Variants in PCDH11X observed in about 807,000 individuals in gnomAD.
PCDH11X encodes the protein protocadherin 11 X-linked.
Under a neutral mutation model 53.3 loss-of-function variants are expected in PCDH11X, and 18 were observed. The observed-to-expected ratio is 0.34, with a 90% CI of 0.23 to 0.50. The LOEUF is 0.50. Ranked by LOEUF, PCDH11X falls within the 20% of genes least tolerant of loss-of-function variation. The pLI, the probability that PCDH11X is intolerant of heterozygous loss-of-function variation, is 0.98. For missense variants in PCDH11X, 570 were observed against 1,032.4 expected (o/e 0.55, Z 6.14); for synonymous variants, 279 against 393.3 (o/e 0.71, Z 3.44).
At chrX:92,007,947 G>C in intron 6 of PCDH11X, among the ~76,000 whole-genome samples, 1 of 110,767 alleles carries the variant, frequency 9.0e-6, no homozygotes, top group Non-Finnish European at 1.9e-5. Flanking sequence ...TCATCTGGAA[G>C]CTAAAGCCTG....
At chrX:91,881,292 A>C (rs1429775977) in intron 6 of PCDH11X, among the ~76,000 whole-genome samples, 3 of 111,382 alleles carry the variant, frequency 2.7e-5, no homozygotes, top group Non-Finnish European at 5.7e-5. Context: ...ATATCATATA[A>C]CTAAGAGACA....
chrX:92,266,550 C>T (rs927365070), intron 8 of PCDH11X, among the ~76,000 whole-genome samples: 1 of 111,415 alleles, frequency 9.0e-6, no homozygotes, highest in Middle Eastern at 4.2e-3. Flanking sequence ...TTTCTACCCC[C>T]TCTTAAAAAA....
At chrX:91,881,396 G>A (rs1271281120) in intron 6 of PCDH11X, among the ~76,000 whole-genome samples, 1 of 110,803 alleles carries the variant, frequency 9.0e-6, no homozygotes, top group Non-Finnish European at 1.9e-5. Context: ...TAACTGAAAG[G>A]ACTATCTTAG....
At chrX:92,082,721 C>T (rs1250119515) in intron 6 of PCDH11X, among the ~76,000 whole-genome samples, 70 of 110,875 alleles carry the variant, frequency 6.3e-4, no homozygotes, top group African/African-American at 2.2e-3. Context: ...TAGCAAATTT[C>T]GTTAAGTTTG....
intron 9 of PCDH11X, chrX:92,459,625 C>G: frequency 3.3e-6 from 2 of 601,502 alleles, no homozygotes; most frequent in South Asian, 5.2e-5. Flanking sequence ...CCATCGTCGG[C>G]AAAGCCTGAG....
chrX:91,995,241 C>CAA (rs369052107), intron 6 of PCDH11X, among the ~76,000 whole-genome samples: 2 of 95,747 alleles, frequency 2.1e-5, no homozygotes, highest in African/African-American at 7.5e-5. Context: ...AAAAAACAAA[C>CAA]AAAAAAAAAA....
At chrX:91,979,125 T>A (rs984590059) in intron 6 of PCDH11X, among the ~76,000 whole-genome samples, 11 of 110,986 alleles carry the variant, frequency 9.9e-5, no homozygotes, top group African/African-American at 3.3e-4. Flanking sequence ...AATGACATCA[T>A]GTTAATATGC....
Position 92,505,095 on chromosome X carries a change from C to T in PCDH11X, c.3367+36773C>T, listed in dbSNP as rs2074026299. ...TGTATCATTTGAATAAATTTTCTCC[C>T]ATTCTGCATGTTGTCTGTTTATTTT... On this transcript the variant is annotated intron_variant, in intron 10 of 10. Transcript: ENST00000682573. 2.8e-5 allele frequency among the ~76,000 whole-genome samples: 3 copies of T among 106,586 alleles called. No individual in the cohort carries two copies. The Admixed American group carries it at 3.0e-4, about 11-fold the overall frequency. 92.6% of individuals were successfully genotyped at this position (106,586 alleles called of 115,157 possible).
At chrX:92,055,155 TG>T (rs1270997933) in intron 6 of PCDH11X, among the ~76,000 whole-genome samples, 57 of 38,259 alleles carry the variant, frequency 1.5e-3, no homozygotes, top group Non-Finnish European at 2.2e-3. Context: ...GTAGGCATAC[TG>T]GGATATGTGG....
intron 6 of PCDH11X, among the ~76,000 whole-genome samples, chrX:92,000,036 A>G (rs1488450119): frequency 1.8e-5 from 2 of 111,868 alleles, no homozygotes; most frequent in East Asian, 5.6e-4. Context: ...GGGTGTAAAA[A>G]CATGAGTCAA....
chrX:92,002,496 A>G (rs1404172254), intron 6 of PCDH11X, among the ~76,000 whole-genome samples: 1 of 108,018 alleles, frequency 9.3e-6, no homozygotes, highest in Non-Finnish European at 1.9e-5. Context: ...GGTAGTATGG[A>G]CATTTTAACA....
chrX:92,338,717 G>T (rs35055650), intron 8 of PCDH11X, among the ~76,000 whole-genome samples: 13 of 111,573 alleles, frequency 1.2e-4, no homozygotes, highest in Non-Finnish European at 5.7e-5. Flanking sequence ...ATCAAATCAA[G>T]TTGTTCATTT....
chrX:91,907,309 T>C (rs182363897), intron 6 of PCDH11X, among the ~76,000 whole-genome samples: 179 of 97,473 alleles, frequency 1.8e-3, no homozygotes, highest in African/African-American at 6.3e-3. Context: ...TCTAAATTTC[T>C]GTTACTTCCC....
At chrX:92,500,075 A>T (rs189639986) in intron 10 of PCDH11X, among the ~76,000 whole-genome samples, 2 of 111,240 alleles carry the variant, frequency 1.8e-5, no homozygotes, top group African/African-American at 6.5e-5. Context: ...GGCTTATACA[A>T]CTTTTCTTAA....
Position 92,123,459 on chromosome X carries a change from A to G in PCDH11X, c.3034-77916A>G, listed in dbSNP as rs181036465. ...CTTTCTCTTGATGGTATCATATCCT[A>G]TGGTATTAAATACCATTTCTATGCA... On this transcript the variant is annotated intron_variant, in intron 6 of 10. Coordinates refer to ENST00000682573, the MANE Select transcript of PCDH11X (RefSeq NM_032968.5). Among the ~76,000 whole-genome samples, 301 of 111,493 alleles carry G rather than the reference A, an allele frequency of 2.7e-3. 1 individual carries two copies. The highest frequency in any genetic ancestry group is 4.9e-3 in the Non-Finnish European group (260 of 53,159).
chrX:91,945,048 C>CATACATATATAT (rs1490903695), intron 6 of PCDH11X, among the ~76,000 whole-genome samples: 1 of 63,242 alleles, frequency 1.6e-5, no homozygotes. Flanking sequence ...ACATCATATA[C>CATACATATATAT]ATATATATAT....
intron 7 of PCDH11X, among the ~76,000 whole-genome samples, chrX:92,225,902 AT>A (rs1191222438): frequency 8.9e-6 from 1 of 111,838 alleles, no homozygotes; most frequent in Non-Finnish European, 1.9e-5. Context: ...AAATAGATCA[AT>A]TTTTGATTCA....
At chrX:92,075,080 G>T (rs1277275589) in intron 6 of PCDH11X, among the ~76,000 whole-genome samples, 1 of 109,626 alleles carries the variant, frequency 9.1e-6, no homozygotes, top group Non-Finnish European at 1.9e-5. Context: ...TTTGCATGGG[G>T]ATACTTTTAT....
chrX:92,214,080 A>T (rs1400211225), intron 7 of PCDH11X, among the ~76,000 whole-genome samples: 1 of 111,745 alleles, frequency 8.9e-6, no homozygotes, highest in East Asian at 2.8e-4. Context: ...AGCTGCTAAA[A>T]GCTCATCACT....
Sources: allele counts gnomAD v4.1 joint callset (sites outside exome capture counted in the v4.1 genomes callset), GRCh38; gene constraint gnomAD v4.1.1; transcripts MANE v1.5; gene names NCBI Gene and HGNC (gene_info 2026-07-23, HGNC 2026-07-21).